Variants in NCLN observed in about 807,000 individuals in gnomAD.
NCLN encodes nicalin.
NCLN carries 34 observed loss-of-function variants against 69.5 expected under a neutral mutation model. That is an observed-to-expected ratio of 0.49 (90% confidence interval 0.37 to 0.65). NCLN has a LOEUF of 0.65. Ranked by LOEUF, NCLN falls within the 30% of genes least tolerant of loss-of-function variation. The pLI is 0.00. For synonymous variants in NCLN, 393 were observed against 358.3 expected, an observed-to-expected ratio of 1.10 and a Z score of -1.09; for missense variants, 710 against 804.8, an observed-to-expected ratio of 0.88 and a Z score of 1.42.
At chr19:3,194,144 C>T (rs367752615) in intron 3 of NCLN, among the ~76,000 whole-genome samples, 25 of 152,182 alleles carry the variant, frequency 1.6e-4, no homozygotes, top group East Asian at 1.3e-3. Context: ...GTAAAGGAGG[C>T]TGAGGCGGGT....
At chr19:3,201,652 TG>T in intron 6 of NCLN, 26 bp downstream of exon 6, 1 of 772,876 alleles carries the variant, frequency 1.3e-6, no homozygotes, top group Non-Finnish European at 2.0e-6. Context: ...GGCAGGGGGA[TG>T]GGGGTGCGGG....
At position 3,204,003 on chromosome 19, in the gene NCLN, A is replaced by G; in HGVS notation, c.890-2A>G. ...ACCCCGCCAGCTCTCGGTGTCCTGC[A>G]GACTCCAGCCTGCTTCAGGACAATG... is the stretch of plus-strand genomic sequence containing the variant. On this transcript the variant is annotated splice_acceptor_variant, in intron 7 of 14. Transcript: ENST00000246117. LOFTEE classifies it high-confidence loss of function. The G allele has an allele frequency of 6.4e-7, 1 of 1,565,868 alleles. No individual in the cohort carries two copies.
At chr19:3,195,973 C>T (rs1015414426) in intron 3 of NCLN, among the ~76,000 whole-genome samples, 1 of 152,140 alleles carries the variant, frequency 6.6e-6, no homozygotes, top group African/African-American at 2.4e-5. Context: ...CCCAGCAGAA[C>T]GTTCCAGAAA....
At position 3,209,225 on chromosome 19, in the gene NCLN, T is replaced by A. The variant is rs1916368027; in HGVS notation, c.*1537T>A. The A allele has an allele frequency of 6.6e-6, 1 of 152,302 alleles. No individual in the cohort carries two copies. The highest frequency in any genetic ancestry group is 2.1e-4 in the South Asian group (1 of 4,838). The allele number at this position is 152,302 out of a possible 1,614,324, so 9.4% of individuals were successfully genotyped here. A position where few individuals can be genotyped will look rare whatever the true frequency, so the allele number is the denominator to read the frequency against. On this transcript the variant is annotated 3_prime_UTR_variant, in exon 15 of 15. Transcript: ENST00000246117. ...AGGGGTGAGGGGACAACCACCCCTC[T>A]TTCCTCCAGGTTGGCAGGGGACCCT...
chr19:3,198,519 A>C (rs4806915), intron 4 of NCLN, among the ~76,000 whole-genome samples: 58,216 of 149,248 alleles, frequency 0.39, 11,465 homozygotes, highest in East Asian at 0.49. Context: ...AAAAAAAAAA[A>C]AAAACACAAA....
intron 7 of NCLN, 26 bp downstream of exon 7, chr19:3,203,870 G>C: frequency 6.2e-7 from 1 of 1,606,442 alleles, no homozygotes; most frequent in South Asian, 1.1e-5. Context: ...TGGGGGTGGG[G>C]GTGCCGCGGT....
At chr19:3,189,733 C>G (rs1915762968) in intron 1 of NCLN, among the ~76,000 whole-genome samples, 1 of 152,276 alleles carries the variant, frequency 6.6e-6, no homozygotes, top group African/African-American at 2.4e-5. Flanking sequence ...CGGCCCGACC[C>G]TGGCCCTCGA....
intron 12 of NCLN, 139 bp from the exon 13 acceptor site, chr19:3,207,059 A>G: frequency 5.3e-6 from 5 of 952,362 alleles, no homozygotes; most frequent in East Asian, 2.4e-5. Flanking sequence ...CTTGACTTCA[A>G]GTGATCCGCC....
chr19:3,204,890 C>T (rs1219626671), intron 9 of NCLN, 139 bp downstream of exon 9: 2 of 963,574 alleles, frequency 2.1e-6, no homozygotes, highest in South Asian at 2.5e-5. Flanking sequence ...GGTGCGTGGC[C>T]AAGGCCGGCT....
chr19:3,204,577 C>T lies in NCLN; in HGVS notation c.1034C>T (p.Ala345Val). 3.9e-6 allele frequency: 6 copies of T among 1,537,200 alleles called. No homozygotes were observed. Among genetic ancestry groups the T allele is most frequent in the Non-Finnish European group, 5.3e-6 (6 of 1,140,274 alleles). The change falls in exon 9 of 15, where the codon GCC becomes GTC. Residue 345 changes from alanine to valine, a missense_variant. By Grantham distance (64) the Ala-to-Val change is moderately conservative (BLOSUM62 0). Transcript: ENST00000246117. ...HAFLRELETV[A>V]AHQFPEVRFS... is the part of the protein sequence containing the mutation. The stretch of plus-strand genomic sequence containing the variant: ...TAATGGCGCCTCCGGCTGCAGGTGG[C>T]CGCGCACCAGTTCCCTGAGGTACGG...
chr19:3,193,450 C>T (rs377070571), intron 3 of NCLN, 22 bp downstream of exon 3: 28 of 1,577,052 alleles, frequency 1.8e-5, no homozygotes, highest in Middle Eastern at 3.4e-4. Context: ...GCTGCAGGGA[C>T]GGGGCCCGTG....
intron 9 of NCLN, 126 bp downstream of exon 9, chr19:3,204,877 G>A: frequency 9.3e-7 from 1 of 1,070,736 alleles, no homozygotes; most frequent in Non-Finnish European, 1.2e-6. Context: ...CGAGGAAGGG[G>A]CCGGTGCGTG....
intron 5 of NCLN, among the ~76,000 whole-genome samples, chr19:3,199,139 C>T (rs1490192107): frequency 6.6e-6 from 1 of 152,192 alleles, no homozygotes; most frequent in African/African-American, 2.4e-5. Flanking sequence ...GTGTCAGAGG[C>T]TGAGCCCAGG....
At chr19:3,192,440 A>C in intron 1 of NCLN, 30 bp from the exon 2 acceptor site, 1 of 1,544,878 alleles carries the variant, frequency 6.5e-7, no homozygotes, top group Non-Finnish European at 8.7e-7. Context: ...CCACCCGCCG[A>C]GGCTCACGAC....
At position 3,204,685 on chromosome 19, in the gene NCLN, C is replaced by G. The variant is rs1243352939; in HGVS notation, c.1142C>G (p.Pro381Arg). 2 of 1,608,014 alleles carry G rather than the reference C, an allele frequency of 1.2e-6. No homozygotes were observed. The highest frequency in any genetic ancestry group is 1.7e-6 in the Non-Finnish European group (2 of 1,177,594). Reference protein sequence around the residue: ...EHERFAIRRLPAFTLSHLESH... With the variant: ...EHERFAIRRLRAFTLSHLESH... ...GAGCGCTTCGCCATCCGCCGACTGC[C>G]CGCCTTCACGCTGTCCCACCTGGAG... Residue 381 changes from proline (P) to arginine (R), a missense_variant, in exon 9 of 15, where the codon CCC becomes CGC. Coordinates refer to ENST00000246117, the MANE Select transcript of NCLN (RefSeq NM_020170.4).
At chr19:3,204,266 G>A in intron 8 of NCLN, 122 bp downstream of exon 8, 1 of 1,246,440 alleles carries the variant, frequency 8.0e-7, no homozygotes, top group Non-Finnish European at 1.1e-6. Context: ...GGGCCACACT[G>A]TGTCGGGGTC....
chr19:3,186,435 C>T (rs1340883926), intron 1 of NCLN, among the ~76,000 whole-genome samples: 1 of 152,180 alleles, frequency 6.6e-6, no homozygotes, highest in Admixed American at 6.5e-5. Context: ...CTCCCACAGC[C>T]CCCGGCCCCT....
At chr19:3,197,968 G>A (rs1442855235) in intron 4 of NCLN, among the ~76,000 whole-genome samples, 6 of 152,198 alleles carry the variant, frequency 3.9e-5, no homozygotes, top group African/African-American at 1.4e-4. Flanking sequence ...GCATGTGCAA[G>A]CCGTCCATGG....
At chr19:3,190,387 G>A (rs895997668) in intron 1 of NCLN, among the ~76,000 whole-genome samples, 1 of 152,104 alleles carries the variant, frequency 6.6e-6, no homozygotes, top group Non-Finnish European at 1.5e-5. Flanking sequence ...CCGAGACCCC[G>A]CCCATTCCCA....
Sources: gnomAD v4.1 joint callset for allele counts (sites outside exome capture counted in the v4.1 genomes callset) on GRCh38, gnomAD v4.1.1 for gene constraint, MANE v1.5 for transcripts, NCBI Gene and HGNC (gene_info 2026-07-23, HGNC 2026-07-21) for gene names.